Variants in ACOT11 observed in about 807,000 individuals in gnomAD.
ACOT11 encodes the protein acyl-CoA thioesterase 11.
Under a neutral mutation model 77.5 loss-of-function variants are expected in ACOT11, and 69 were observed. The ratio of observed to expected loss-of-function variants is 0.89; its 90% CI spans 0.73 to 1.09. The LOEUF is 1.09. Among genes scored for constraint, ACOT11 ranks in the 50% least tolerant of loss-of-function variants. The pLI is 0.00. For missense variants in ACOT11, 766 were observed against 813.7 expected (o/e 0.94, Z 0.71); for synonymous variants, 279 against 313.0 (o/e 0.89, Z 1.15).
chr1:54,562,752 T>C (rs1421105705), intron 1 of ACOT11, among the ~76,000 whole-genome samples: 2 of 66,536 alleles, frequency 3.0e-5, no homozygotes, highest in Admixed American at 1.2e-4. Flanking sequence ...GCAGAGGCGC[T>C]CCTCACATCC....
intron 2 of ACOT11, among the ~76,000 whole-genome samples, chr1:54,585,358 G>T (rs541882315): frequency 3.7e-4 from 57 of 152,302 alleles, no homozygotes; most frequent in African/African-American, 1.4e-3. Flanking sequence ...CCCAGGCCTG[G>T]GGGCAGGGAA....
chr1:54,622,991 AT>A (rs1335948704), intron 15 of ACOT11, among the ~76,000 whole-genome samples: 1 of 151,998 alleles, frequency 6.6e-6, no homozygotes, highest in Non-Finnish European at 1.5e-5. Flanking sequence ...CCTGGCCAAC[AT>A]GGTGAAACCC....
At chr1:54,556,075 G>T (rs377312) in intron 1 of ACOT11, among the ~76,000 whole-genome samples, 6,051 of 152,010 alleles carry the variant, frequency 0.04, 177 homozygotes, top group Non-Finnish European at 0.056. Flanking sequence ...GAGAGATAAG[G>T]GATTGATTTC....
chr1:54,548,542 G>A, intron 1 of ACOT11, 200 bp downstream of exon 1: 1 of 686,994 alleles, frequency 1.5e-6, no homozygotes, highest in Non-Finnish European at 2.5e-6. Context: ...AAGCCCCAGG[G>A]GCTGTCAGAT....
chr1:54,585,011 C>T, intron 2 of ACOT11, 149 bp downstream of exon 2: 1 of 879,760 alleles, frequency 1.1e-6, no homozygotes, highest in Non-Finnish European at 1.7e-6. Context: ...CTGAAATGCC[C>T]TTCCTGATGT....
chr1:54,603,007 T>C (rs778732997), intron 10 of ACOT11, among the ~76,000 whole-genome samples: 8 of 152,220 alleles, frequency 5.3e-5, no homozygotes, highest in Middle Eastern at 3.2e-3. Flanking sequence ...TTAAATCCTG[T>C]GTTCTTGCCA....
chr1:54,607,300 A>G lies in ACOT11; in HGVS notation c.1502+35A>G, dbSNP rs1644038092. 6.2e-7 allele frequency: 1 copy of G among 1,612,290 alleles called. No individual in the cohort carries two copies. The highest frequency in any genetic ancestry group is 8.5e-7 in the Non-Finnish European group (1 of 1,178,738). On this transcript the variant is annotated intron_variant, in intron 14 of 15. Transcript: ENST00000343744. This position sits in a 1 kb window ranked among gnomAD's most constrained non-coding sequence, Gnocchi z 4.5. ...TATCTGCTGTGGGGTGGGGGACACAACTGGACAGGGTGGTAGGGTGGCCGC... is the reference window on the plus strand; with the variant it reads ...TATCTGCTGTGGGGTGGGGGACACAGCTGGACAGGGTGGTAGGGTGGCCGC...
chr1:54,628,593 GC>G (rs61261431), intron 15 of ACOT11, among the ~76,000 whole-genome samples: 10,236 of 70,206 alleles, frequency 0.15, 1,586 homozygotes, highest in Middle Eastern at 0.22. Flanking sequence ...AGACCCCATC[GC>G]CCCCCCCCCC....
chr1:54,592,600 C>T lies in ACOT11; in HGVS notation c.366C>T (p.Ser122=). ...KAKVNRAFNS[S]MEVGIQVASE... ...AGGTGAACCGGGCCTTCAACTCCAG[C>T]ATGGAGGTGTGTGGGGTGGGCACTG... Residue 122 remains serine (S), a synonymous_variant, in exon 4 of 16, where the codon AGC becomes AGT. Coordinates refer to ENST00000343744, the MANE Select transcript of ACOT11 (RefSeq NM_147161.4). 2 of 1,613,444 alleles carry T rather than the reference C, an allele frequency of 1.2e-6. No individual in the cohort carries two copies. Among genetic ancestry groups the T allele is most frequent in the Non-Finnish European group, 1.7e-6 (2 of 1,179,676 alleles).
At chr1:54,571,955 G>T (rs11206389) in intron 1 of ACOT11, among the ~76,000 whole-genome samples, 1 of 152,076 alleles carries the variant, frequency 6.6e-6, no homozygotes, top group African/African-American at 2.4e-5. Flanking sequence ...TGGAGCAGCC[G>T]CTGGGGCCTT....
At chr1:54,562,545 A>C (rs1419753065) in intron 1 of ACOT11, among the ~76,000 whole-genome samples, 46 of 55,058 alleles carry the variant, frequency 8.4e-4, no homozygotes, top group African/African-American at 1.3e-3. Context: ...CGGGGGGCTG[A>C]CCCACCCCCC....
rs141803642 is a variant in ACOT11, at chr1:54,627,250, C to T, written c.1630-3484C>T. ...CCCATGCCCTGTCATTCCAACTCCG[C>T]GGGCCGTGTGTCACCTGTCCTCCCT... On this transcript the variant is annotated intron_variant, in intron 15 of 16. Coordinates refer to the ACOT11 transcript ENST00000371316. 4.4e-3 allele frequency among the ~76,000 whole-genome samples: 596 copies of T among 134,832 alleles called. 66 individuals are homozygous for T. Among genetic ancestry groups the T allele is most frequent in the African/African-American group, 0.014 (547 of 39,676 alleles). The allele number at this position is 134,832 out of a possible 152,430, so 88.5% of individuals were successfully genotyped here. A position where few individuals can be genotyped will look rare whatever the true frequency, so the allele number is the denominator to read the frequency against.
intron 15 of ACOT11, among the ~76,000 whole-genome samples, chr1:54,625,361 G>C (rs182390060): frequency 6.6e-6 from 1 of 152,272 alleles, no homozygotes; most frequent in South Asian, 2.1e-4. Flanking sequence ...GAGACAGTAA[G>C]GGGGCTGTAG....
intron 3 of ACOT11, among the ~76,000 whole-genome samples, chr1:54,587,462 G>T (rs1005341788): frequency 2.0e-5 from 3 of 151,284 alleles, no homozygotes; most frequent in Non-Finnish European, 2.9e-5. Context: ...GTGGTGAGCT[G>T]AGGTCGCACC....
intron 15 of ACOT11, among the ~76,000 whole-genome samples, chr1:54,608,411 G>A (rs925215334): frequency 1.2e-4 from 18 of 152,130 alleles, no homozygotes; most frequent in South Asian, 2.1e-4. Context: ...ACCCAGCAGC[G>A]CAGTCCGTGT....
At chr1:54,634,842 A>T (rs1468617602) in exon 17 of ACOT11, 1 of 618,424 alleles carries the variant, frequency 1.6e-6, no homozygotes. Context: ...ATCATGAGCA[A>T]CACCCGTCGA....
At chr1:54,568,004 G>C (rs978382205) in intron 1 of ACOT11, among the ~76,000 whole-genome samples, 11 of 152,158 alleles carry the variant, frequency 7.2e-5, no homozygotes, top group Non-Finnish European at 1.5e-5. Context: ...AAGACCTTAG[G>C]GGATGGGGCA....
intron 15 of ACOT11, chr1:54,620,158 A>C: frequency 1.2e-6 from 1 of 828,266 alleles, no homozygotes; most frequent in South Asian, 1.9e-5. Flanking sequence ...TGGTGCTACA[A>C]TAGAGGGAAA....
rs1381275470 is a variant in ACOT11, at chr1:54,562,177, C to T, written c.33+13835C>T. On this transcript the variant is annotated intron_variant, in intron 1 of 15. Transcript: ENST00000343744. ...CCCAGTAGGGGTGGCTGGGCAGAGG[C>T]GCCCCTCACCTCCCAGACGGGGCGG... Among the ~76,000 whole-genome samples, 316 of 72,502 alleles carry T rather than the reference C, an allele frequency of 4.4e-3. 23 individuals are homozygous for T. The highest frequency in any genetic ancestry group is 0.032 in the African/African-American group (268 of 8,486). 47.6% of individuals were successfully genotyped at this position (72,502 alleles called of 152,430 possible). A position where few individuals can be genotyped will look rare whatever the true frequency, so the allele number is the denominator to read the frequency against.
Sources: allele counts gnomAD v4.1 joint callset (sites outside exome capture counted in the v4.1 genomes callset), GRCh38; gene constraint gnomAD v4.1.1; non-coding constraint Gnocchi (gnomAD v3.1); transcripts MANE v1.5; gene names NCBI Gene and HGNC (gene_info 2026-07-23, HGNC 2026-07-21).